GRID2: variants seen among roughly 807,000 people sequenced by gnomAD.
GRID2 encodes the protein glutamate ionotropic receptor delta type subunit 2.
A neutral mutation model predicts 114.8 loss-of-function variants in GRID2; 33 were observed. That is an observed-to-expected ratio of 0.29 (90% CI 0.22 to 0.38). GRID2 has a LOEUF of 0.38. Among genes scored for constraint, GRID2 ranks in the 10% least tolerant of loss-of-function variants. The pLI, the probability that GRID2 is intolerant of heterozygous loss-of-function variation, is 1.00. For missense variants in GRID2, 1,184 were observed against 1,257.7 expected (o/e 0.94, Z 0.89); for synonymous variants, 505 against 449.9 (o/e 1.12, Z -1.55).
At chr4:92,518,282 T>C (rs187364152) in intron 1 of GRID2, among the ~76,000 whole-genome samples, 113 of 152,024 alleles carry the variant, frequency 7.4e-4, no homozygotes, top group African/African-American at 2.6e-3. Flanking sequence ...ATTGCTACTA[T>C]AAATTAAATC....
intron 14 of GRID2, among the ~76,000 whole-genome samples, chr4:93,763,352 T>TA (rs982844184): frequency 6.6e-6 from 1 of 152,106 alleles, no homozygotes; most frequent in Non-Finnish European, 1.5e-5. Flanking sequence ...TAAATTTAGT[T>TA]TTTTCCCCAC....
At chr4:92,904,628 C>T (rs868544471) in intron 2 of GRID2, among the ~76,000 whole-genome samples, 8 of 151,690 alleles carry the variant, frequency 5.3e-5, no homozygotes, top group Non-Finnish European at 8.9e-5. Context: ...AATAATTAGG[C>T]CAGACCTCAA....
chr4:92,430,367 C>A (rs1732379961), intron 1 of GRID2, among the ~76,000 whole-genome samples: 1 of 152,046 alleles, frequency 6.6e-6, no homozygotes, highest in Non-Finnish European at 1.5e-5. Context: ...AATTTCTTTT[C>A]TCCAAAGTAT....
chr4:92,787,972 G>C (rs1054495810), intron 2 of GRID2, among the ~76,000 whole-genome samples: 1 of 151,676 alleles, frequency 6.6e-6, no homozygotes, highest in Admixed American at 6.6e-5. Context: ...GAACATACAT[G>C]GGGAGGGTTG....
At chr4:93,268,759 T>G (rs941576046) in intron 8 of GRID2, among the ~76,000 whole-genome samples, 1 of 152,064 alleles carries the variant, frequency 6.6e-6, no homozygotes, top group Non-Finnish European at 1.5e-5. Flanking sequence ...CTAAACTGAC[T>G]GATAGCAGGT....
intron 10 of GRID2, among the ~76,000 whole-genome samples, chr4:93,453,353 AGAGAGAGT>A (rs1216190026): frequency 1.0e-4 from 11 of 108,202 alleles, no homozygotes; most frequent in Admixed American, 2.6e-4. Flanking sequence ...AGAGAGAGAG[AGAGAGAGT>A]GTGTGTATTT....
chr4:92,830,297 T>G (rs544773063), intron 2 of GRID2, among the ~76,000 whole-genome samples: 5 of 151,576 alleles, frequency 3.3e-5, no homozygotes, highest in Non-Finnish European at 7.4e-5. Flanking sequence ...TTACATTGTT[T>G]TTTTTTTTTT....
At chr4:93,287,253 AGTTTTTACTATTTAT>A (rs1471899427) in intron 8 of GRID2, among the ~76,000 whole-genome samples, 1 of 152,194 alleles carries the variant, frequency 6.6e-6, no homozygotes, top group Non-Finnish European at 1.5e-5. Flanking sequence ...TCTGTCATTT[AGTTTTTACTATTTAT>A]GAGAGAAAGT....
intron 2 of GRID2, among the ~76,000 whole-genome samples, chr4:92,977,248 A>G (rs1482853871): frequency 6.6e-6 from 1 of 152,194 alleles, no homozygotes; most frequent in African/African-American, 2.4e-5. Context: ...AGACCTACTG[A>G]ATAATGGGAG....
intron 2 of GRID2, among the ~76,000 whole-genome samples, chr4:92,644,996 A>G (rs541029643): frequency 2.6e-4 from 40 of 151,622 alleles, no homozygotes; most frequent in African/African-American, 8.0e-4. Flanking sequence ...TTTTTAACAT[A>G]TATTCTTATA....
intron 1 of GRID2, among the ~76,000 whole-genome samples, chr4:92,314,298 A>G (rs1725856605): frequency 6.6e-6 from 1 of 152,118 alleles, no homozygotes; most frequent in South Asian, 2.1e-4. Flanking sequence ...AATGTCATAA[A>G]TATTTAGTCA....
intron 2 of GRID2, among the ~76,000 whole-genome samples, chr4:92,851,384 C>T (rs1743777919): frequency 6.6e-6 from 1 of 151,858 alleles, no homozygotes; most frequent in Admixed American, 6.6e-5. Context: ...AAATACAGCT[C>T]ATTCAAAATG....
At chr4:93,224,048 A>G (rs1238844442) in intron 6 of GRID2, among the ~76,000 whole-genome samples, 2 of 152,150 alleles carry the variant, frequency 1.3e-5, no homozygotes, top group East Asian at 1.9e-4. Context: ...ATAATTTTGT[A>G]TAGATCCTTG....
At chr4:93,140,776 A>G (rs1477649088) in intron 4 of GRID2, among the ~76,000 whole-genome samples, 1 of 152,226 alleles carries the variant, frequency 6.6e-6, no homozygotes, top group African/African-American at 2.4e-5. Context: ...CAATCAATAC[A>G]TTTCACATAA....
At chr4:93,036,307 A>G (rs1724927482) in intron 2 of GRID2, among the ~76,000 whole-genome samples, 1 of 152,148 alleles carries the variant, frequency 6.6e-6, no homozygotes, top group Admixed American at 6.6e-5. Flanking sequence ...CTTATATAGT[A>G]TTAAAAATGA....
chr4:93,565,614 A>G (rs1735337845), intron 13 of GRID2, among the ~76,000 whole-genome samples: 1 of 152,236 alleles, frequency 6.6e-6, no homozygotes, highest in Non-Finnish European at 1.5e-5. Flanking sequence ...TAAAGTCAAT[A>G]GAGAAATGCA....
chr4:93,436,567 G>A (rs909563594), intron 10 of GRID2, among the ~76,000 whole-genome samples: 1 of 151,774 alleles, frequency 6.6e-6, no homozygotes, highest in African/African-American at 2.4e-5. Context: ...TACCAAACAG[G>A]AAAAACAAAA....
chr4:92,794,491 C>T (rs560192890), intron 2 of GRID2, among the ~76,000 whole-genome samples: 2 of 151,866 alleles, frequency 1.3e-5, no homozygotes, highest in Admixed American at 1.3e-4. Flanking sequence ...CTTGCAGATT[C>T]ACACAGAAGC....
At chr4:92,304,819 C>G in intron 1 of GRID2, 75 bp downstream of exon 1, 2 of 1,026,800 alleles carry the variant, frequency 1.9e-6, no homozygotes, top group East Asian at 2.4e-5. Flanking sequence ...CGCTTTCCCC[C>G]TCTCCGGTCT....
Sources: gnomAD v4.1 joint callset for allele counts (sites outside exome capture counted in the v4.1 genomes callset) on GRCh38, gnomAD v4.1.1 for gene constraint, MANE v1.5 for transcripts, NCBI Gene and HGNC (gene_info 2026-07-23, HGNC 2026-07-21) for gene names.